NPAS3: variants seen among roughly 807,000 people sequenced by gnomAD.
NPAS3 encodes the protein neuronal PAS domain protein 3, also known as neuronal PAS domain-containing protein 3.
Under a neutral mutation model 73.1 loss-of-function variants are expected in NPAS3, and 14 were observed. The ratio of observed to expected loss-of-function variants is 0.19; its 90% CI spans 0.13 to 0.30. The LOEUF (loss-of-function observed/expected upper bound fraction) is 0.30, where lower values mean the gene tolerates loss of function less well. Among genes scored for constraint, NPAS3 ranks in the 10% least tolerant of loss-of-function variants. The probability of loss-of-function intolerance (pLI) is 1.00; values close to 1 mark genes in which losing one functional copy is unlikely to be tolerated. For synonymous variants in NPAS3, 620 were observed against 541.5 expected (o/e 1.14, Z -2.01); for missense variants, 1,096 against 1,250.0 (o/e 0.88, Z 1.86).
chr14:33,616,884 C>A (rs1482030734), intron 5 of NPAS3, among the ~76,000 whole-genome samples: 1 of 152,188 alleles, frequency 6.6e-6, no homozygotes, highest in East Asian at 1.9e-4. Flanking sequence ...AATCTTCTGT[C>A]AAGTGAGGAA....
intron 6 of NPAS3, among the ~76,000 whole-genome samples, chr14:33,710,137 G>GT (rs372049120): frequency 6.6e-4 from 100 of 152,360 alleles, no homozygotes; most frequent in African/African-American, 2.4e-3. Flanking sequence ...GTGATAGGAA[G>GT]TTACTAACAC....
intron 5 of NPAS3, among the ~76,000 whole-genome samples, chr14:33,634,462 A>G (rs1037023510): frequency 1.3e-5 from 2 of 152,190 alleles, no homozygotes; most frequent in Non-Finnish European, 2.9e-5. Context: ...AGATTTTTGA[A>G]AGATGATGCT....
intron 4 of NPAS3, among the ~76,000 whole-genome samples, chr14:33,511,469 A>G (rs944126627): frequency 6.6e-6 from 1 of 152,064 alleles, no homozygotes; most frequent in African/African-American, 2.4e-5. Flanking sequence ...AAATTTCTAA[A>G]CAAGATCGAA....
intron 2 of NPAS3, among the ~76,000 whole-genome samples, chr14:33,131,227 A>G (rs1458269988): frequency 6.6e-6 from 1 of 152,156 alleles, no homozygotes. Flanking sequence ...TTATATGCTG[A>G]AACAGTCATT....
At chr14:32,934,799 C>T (rs2035644528), upstream of NPAS3, 1 of 245,128 alleles carries the variant, frequency 4.1e-6, no homozygotes, top group Non-Finnish European at 6.6e-6. This position sits in a 1 kb window ranked among gnomAD's most constrained non-coding sequence, Gnocchi z 4.1. Flanking sequence ...CGAGCCCCCG[C>T]CAGCCAGAGC....
intron 2 of NPAS3, among the ~76,000 whole-genome samples, chr14:33,119,708 C>G (rs2139026602): frequency 6.6e-6 from 1 of 152,192 alleles, no homozygotes; most frequent in East Asian, 1.9e-4. Flanking sequence ...TAAAGTTGCT[C>G]CCTTAGAAGG....
In NPAS3 at chr14:33,799,721, C is replaced by T. The variant is rs1472376605; in HGVS notation, c.1427-13C>T. ...CTCCGCCCCCGCCACCGCCGGCCCC[C>T]CGCCCCACACAGAGGACAACGAGAA... On this transcript the variant is annotated splice_polypyrimidine_tract_variant and intron_variant, in intron 11 of 11. Coordinates refer to ENST00000356141, the Ensembl canonical transcript of NPAS3. 6.4e-7 allele frequency: 1 copy of T among 1,553,818 alleles called. No homozygotes were observed.
intron 2 of NPAS3, among the ~76,000 whole-genome samples, chr14:33,134,518 G>A (rs893871222): frequency 1.3e-5 from 2 of 152,068 alleles, no homozygotes; most frequent in East Asian, 1.9e-4. Flanking sequence ...TAAAACAACA[G>A]CATATAGAGG....
At chr14:32,942,980 A>G (rs2139069632) in intron 1 of NPAS3, among the ~76,000 whole-genome samples, 1 of 152,356 alleles carries the variant, frequency 6.6e-6, no homozygotes, top group South Asian at 2.1e-4. Context: ...TAGATCGTAT[A>G]GCTCCAGAGC....
At chr14:33,312,290 T>C (rs371899779) in intron 3 of NPAS3, among the ~76,000 whole-genome samples, 15 of 152,108 alleles carry the variant, frequency 9.9e-5, no homozygotes, top group African/African-American at 3.6e-4. Flanking sequence ...TTTAGACTTG[T>C]AAAGATGTAT....
At chr14:33,677,230 G>A (rs1445764741) in intron 6 of NPAS3, among the ~76,000 whole-genome samples, 2 of 152,170 alleles carry the variant, frequency 1.3e-5, no homozygotes, top group Admixed American at 6.5e-5. Flanking sequence ...TAAATTAATT[G>A]AAGTTCCACA....
At chr14:33,321,105 A>C (rs1472798841) in intron 3 of NPAS3, among the ~76,000 whole-genome samples, 1 of 152,150 alleles carries the variant, frequency 6.6e-6, no homozygotes, top group African/African-American at 2.4e-5. Flanking sequence ...CTAGGGTGGA[A>C]GAGGTAATGA....
intron 6 of NPAS3, among the ~76,000 whole-genome samples, chr14:33,733,250 C>A (rs1843013576): frequency 6.6e-6 from 1 of 151,520 alleles, no homozygotes; most frequent in Non-Finnish European, 1.5e-5. Context: ...TCCATTTCCA[C>A]CAGGATGAAA....
intron 5 of NPAS3, among the ~76,000 whole-genome samples, chr14:33,620,504 A>G (rs1315301834): frequency 1.3e-5 from 2 of 152,204 alleles, no homozygotes; most frequent in East Asian, 3.8e-4. Context: ...TGTGCTGTAT[A>G]TACGTGTGCA....
At chr14:33,204,916 G>A (rs973349273) in intron 2 of NPAS3, among the ~76,000 whole-genome samples, 3 of 151,652 alleles carry the variant, frequency 2.0e-5, no homozygotes, top group Non-Finnish European at 4.4e-5. Flanking sequence ...AGCACTATTT[G>A]GTCACTCATT....
intron 6 of NPAS3, among the ~76,000 whole-genome samples, chr14:33,720,264 T>A (rs1317794001): frequency 6.6e-6 from 1 of 152,202 alleles, no homozygotes; most frequent in East Asian, 1.9e-4. Context: ...GGAAGAATAC[T>A]TATGAATATG....
At chr14:32,953,242 C>T (rs1050864868) in intron 1 of NPAS3, among the ~76,000 whole-genome samples, 1 of 152,000 alleles carries the variant, frequency 6.6e-6, no homozygotes, top group Non-Finnish European at 1.5e-5. Flanking sequence ...GCCTCCACAG[C>T]AAGTATTTAG....
chr14:32,994,905 T>C (rs989763764), intron 1 of NPAS3, among the ~76,000 whole-genome samples: 4 of 152,234 alleles, frequency 2.6e-5, no homozygotes, highest in Non-Finnish European at 5.9e-5. Context: ...GTGCTGGGAT[T>C]ACAGGCATGA....
At chr14:32,962,335 A>G (rs1356389344) in intron 1 of NPAS3, among the ~76,000 whole-genome samples, 1 of 152,206 alleles carries the variant, frequency 6.6e-6, no homozygotes, top group African/African-American at 2.4e-5. Context: ...TCAAACTGCA[A>G]GTAATAACAT....
Sources: allele counts gnomAD v4.1 joint callset (sites outside exome capture counted in the v4.1 genomes callset), GRCh38; gene constraint gnomAD v4.1.1; non-coding constraint Gnocchi (gnomAD v3.1); transcripts MANE v1.5; gene names NCBI Gene and HGNC (gene_info 2026-07-23, HGNC 2026-07-21).